Variants in NCOA7 observed in about 807,000 individuals in gnomAD.
NCOA7 encodes nuclear receptor coactivator 7, also known as 140 kDa estrogen receptor-associated protein.
A neutral mutation model predicts 104.3 loss-of-function variants in NCOA7; 45 were observed. That is an observed-to-expected ratio of 0.43 (90% CI 0.34 to 0.55). The LOEUF is 0.55. NCOA7 is among the 20% of genes least tolerant of loss of function. NCOA7 has a pLI of 0.02. For missense variants in NCOA7, 1,041 were observed against 1,119.7 expected, an observed-to-expected ratio of 0.93 and a Z score of 1.00; for synonymous variants, 398 against 402.3, an observed-to-expected ratio of 0.99 and a Z score of 0.13.
In NCOA7 at chr6:125,920,927, T is replaced by G; in HGVS notation, c.2245-16T>G. On this transcript the variant is annotated splice_polypyrimidine_tract_variant and intron_variant, in intron 11 of 15. Coordinates refer to ENST00000392477, the MANE Select transcript of NCOA7 (RefSeq NM_181782.5). Reference sequence around the variant, plus strand: ...AGCCAATAAGTTATTTTTCTTGGCTTGTTTTCTCATTTCAGATCATCACTG... The same window carrying G: ...AGCCAATAAGTTATTTTTCTTGGCTGGTTTTCTCATTTCAGATCATCACTG... The G allele has an allele frequency of 6.2e-7, 1 of 1,610,406 alleles. No individual in the cohort carries two copies. The highest frequency in any genetic ancestry group is 8.5e-7 in the Non-Finnish European group (1 of 1,177,404).
chr6:125,911,026 T>A lies in NCOA7; in HGVS notation c.2097-4307T>A, dbSNP rs1249602096. Among the ~76,000 whole-genome samples the A allele has an allele frequency of 2.0e-5, 3 of 151,798 alleles. No individual in the cohort carries two copies. In the East Asian group the frequency reaches 5.8e-4, roughly 29 times the overall value. On this transcript the variant is annotated intron_variant, in intron 10 of 15. Coordinates refer to ENST00000392477, the MANE Select transcript of NCOA7 (RefSeq NM_181782.5). ...AGTCAAAGGATTGAGAAAAAGACAGTGAGAGAAAAAGGTGGGACACCAGAG... is the reference window on the plus strand; with the variant it reads ...AGTCAAAGGATTGAGAAAAAGACAGAGAGAGAAAAAGGTGGGACACCAGAG...
At chr6:125,817,030 T>C (rs1777655141) in intron 2 of NCOA7, among the ~76,000 whole-genome samples, 1 of 152,224 alleles carries the variant, frequency 6.6e-6, no homozygotes, top group African/African-American at 2.4e-5. Flanking sequence ...GGCATTTAGC[T>C]TTTTCTTCCC....
At chr6:125,801,995 G>A (rs191860345) in intron 1 of NCOA7, among the ~76,000 whole-genome samples, 77 of 152,262 alleles carry the variant, frequency 5.1e-4, no homozygotes, top group African/African-American at 1.7e-3. Context: ...GTCAAATGAT[G>A]CCTTCTCAGC....
chr6:125,882,382 GA>G (rs1783912156), intron 6 of NCOA7, 43 bp from the exon 7 acceptor site: 3 of 1,601,726 alleles, frequency 1.9e-6, no homozygotes, highest in African/African-American at 1.3e-5. Context: ...TAATTTGTTT[GA>G]AAAGTGCTTT....
At chr6:125,907,139 GC>G (rs1786084461) in intron 10 of NCOA7, among the ~76,000 whole-genome samples, 1 of 152,174 alleles carries the variant, frequency 6.6e-6, no homozygotes, top group Middle Eastern at 3.2e-3. Flanking sequence ...TAGCATGAGG[GC>G]CCTGTCTACG....
intron 2 of NCOA7, 41 bp from the exon 3 acceptor site, chr6:125,854,979 C>A: frequency 2.2e-6 from 3 of 1,363,156 alleles, no homozygotes; most frequent in South Asian, 1.3e-5. Flanking sequence ...ACCAGCAAAT[C>A]ATCTCTCCAA....
chr6:125,788,419 T>G (rs776521105), upstream of NCOA7, among the ~76,000 whole-genome samples: 1 of 152,224 alleles, frequency 6.6e-6, no homozygotes, highest in Non-Finnish European at 1.5e-5. Flanking sequence ...AGCAGAAATC[T>G]TTATTATATC....
chr6:125,841,956 T>G (rs952641393), intron 2 of NCOA7, among the ~76,000 whole-genome samples: 1 of 152,230 alleles, frequency 6.6e-6, no homozygotes, highest in Non-Finnish European at 1.5e-5. Context: ...ACTTCTAGTT[T>G]ATGACAATGA....
At chr6:125,797,316 C>G (rs1424757322) in intron 1 of NCOA7, among the ~76,000 whole-genome samples, 1 of 152,074 alleles carries the variant, frequency 6.6e-6, no homozygotes, top group Non-Finnish European at 1.5e-5. Context: ...TAATCAGAGG[C>G]CTTAAGTGCT....
intron 2 of NCOA7, among the ~76,000 whole-genome samples, chr6:125,842,031 A>C (rs542992343): frequency 7.0e-6 from 1 of 141,952 alleles, no homozygotes; most frequent in South Asian, 2.1e-4. Context: ...AGATTAATAT[A>C]AGAGTTTATT....
chr6:125,790,159 G>A (rs1774697157), upstream of NCOA7, among the ~76,000 whole-genome samples: 1 of 152,258 alleles, frequency 6.6e-6, no homozygotes. Context: ...ACGGGAGGGG[G>A]AAGGAGATGG....
At chr6:125,789,568 T>G (rs1054872762), upstream of NCOA7, among the ~76,000 whole-genome samples, 2 of 152,178 alleles carry the variant, frequency 1.3e-5, no homozygotes, top group African/African-American at 4.8e-5. Flanking sequence ...TGCTAAACAA[T>G]TTACAAATAA....
chr6:125,829,027 A>C (rs1159653341), intron 2 of NCOA7, among the ~76,000 whole-genome samples: 1 of 152,182 alleles, frequency 6.6e-6, no homozygotes, highest in Non-Finnish European at 1.5e-5. Flanking sequence ...GAATGTAAAA[A>C]TAATTAGAAC....
chr6:125,925,529 G>A (rs1787947266), intron 13 of NCOA7, among the ~76,000 whole-genome samples: 1 of 152,178 alleles, frequency 6.6e-6, no homozygotes, highest in Admixed American at 6.5e-5. Context: ...AATTAATAGA[G>A]ACTAATTACT....
At chr6:125,919,421 C>CT (rs755893291) in intron 11 of NCOA7, 1 of 1,612,602 alleles carries the variant, frequency 6.2e-7, no homozygotes, top group Admixed American at 1.7e-5. Flanking sequence ...GACGAAGAGC[C>CT]TTTTGTGAAG....
chr6:125,826,113 C>T lies in NCOA7; in HGVS notation c.50+10709C>T, dbSNP rs559673820. 1.1e-4 allele frequency among the ~76,000 whole-genome samples: 16 copies of T among 152,064 alleles called. No individual in the cohort carries two copies. The South Asian group carries it at 3.1e-3, about 30-fold the overall frequency. On this transcript the variant is annotated intron_variant, in intron 2 of 15. Coordinates refer to ENST00000392477, the MANE Select transcript of NCOA7 (RefSeq NM_181782.5). ...GGCCAAGGCGGGTGTATTGCCTGACCTCAGGAGTTCGAGACCAGCTGGGCA... is the reference window on the plus strand; with the variant it reads ...GGCCAAGGCGGGTGTATTGCCTGACTTCAGGAGTTCGAGACCAGCTGGGCA...
At chr6:125,922,973 GT>G in intron 13 of NCOA7, 139 bp downstream of exon 13, 1 of 722,850 alleles carries the variant, frequency 1.4e-6, no homozygotes, top group Non-Finnish European at 2.1e-6. Context: ...TTTTATCTTT[GT>G]TTTTTCTCTG....
rs577587773 is a variant in NCOA7, at chr6:125,799,880, G to A, written c.-65+8813G>A. ...TGTTGATGACATTCTTAGAGATAACGTATGAGTGTTCTGTTTCATGATCCC... is the reference window on the plus strand; with the variant it reads ...TGTTGATGACATTCTTAGAGATAACATATGAGTGTTCTGTTTCATGATCCC... On this transcript the variant is annotated intron_variant, in intron 1 of 15. Coordinates refer to ENST00000392477, the MANE Select transcript of NCOA7 (RefSeq NM_181782.5). 9.9e-5 allele frequency among the ~76,000 whole-genome samples: 15 copies of A among 152,276 alleles called. No homozygotes were observed. In the East Asian group the frequency reaches 2.9e-3, roughly 29 times the overall value.
At position 125,872,849 on chromosome 6, in the gene NCOA7, T is replaced by G. The variant is rs1399225608; in HGVS notation, c.272-2040T>G. Among the ~76,000 whole-genome samples, 4 of 152,124 alleles carry G rather than the reference T, an allele frequency of 2.6e-5. 1 individual carries two copies. The highest frequency in any genetic ancestry group is 5.9e-5 in the Non-Finnish European group (4 of 68,004). ...TCCTGTCTTCCTGAAGTAATTTAGG[T>G]GTGGTTGCCTGTAGGCAGGGAGATC... On this transcript the variant is annotated intron_variant, in intron 3 of 15. Transcript: ENST00000392477.
Sources: gnomAD v4.1 joint callset for allele counts (sites outside exome capture counted in the v4.1 genomes callset) on GRCh38, gnomAD v4.1.1 for gene constraint, MANE v1.5 for transcripts, NCBI Gene and HGNC (gene_info 2026-07-23, HGNC 2026-07-21) for gene names.